Variants in UBE2V2 observed in about 807,000 individuals in gnomAD.
UBE2V2 encodes the protein ubiquitin-conjugating enzyme E2 variant 2.
A neutral mutation model predicts 17.2 loss-of-function variants in UBE2V2; 9 were observed. The observed-to-expected ratio is 0.52, with a 90% confidence interval of 0.32 to 0.91. The LOEUF is 0.91. UBE2V2 is among the 40% of genes least tolerant of loss of function. UBE2V2 has a pLI of 0.04. For missense variants in UBE2V2, 133 were observed against 182.6 expected (o/e 0.73, Z 1.56); for synonymous variants, 61 against 57.5 (o/e 1.06, Z -0.28).
At position 48,061,846 on chromosome 8, in the gene UBE2V2, T is replaced by A. The variant is rs930483242; in HGVS notation, c.*1018T>A. On this transcript the variant is annotated 3_prime_UTR_variant, in exon 4 of 4. Transcript: ENST00000523111. ...TTGCATTCTGGCAGTTCTTTTAGGA[T>A]TATAGGTTGCAAATTATCCAAATAT... 2.0e-5 allele frequency: 3 copies of A among 152,208 alleles called. No homozygotes were observed. Among genetic ancestry groups the A allele is most frequent in the Non-Finnish European group, 4.4e-5 (3 of 68,036 alleles). The allele number at this position is 152,208 out of a possible 1,614,324, so 9.4% of individuals were successfully genotyped here.
In UBE2V2 at chr8:48,063,203, T is replaced by A. The variant is rs964977394; in HGVS notation, c.*2375T>A. 2 of 152,214 alleles carry A rather than the reference T, an allele frequency of 1.3e-5. No homozygotes were observed. Among genetic ancestry groups the A allele is most frequent in the African/African-American group, 4.8e-5 (2 of 41,450 alleles). The allele number at this position is 152,214 out of a possible 1,614,324, so 9.4% of individuals were successfully genotyped here. ...CAGAGTCAGCCCTATAATGTTCATT[T>A]CCCCTCTTGTTTGTGGGATTATGGA... On this transcript the variant is annotated 3_prime_UTR_variant, in exon 4 of 4. Coordinates refer to ENST00000523111, the MANE Select transcript of UBE2V2 (RefSeq NM_003350.3).
At chr8:48,041,540 T>C (rs1431671932) in intron 1 of UBE2V2, among the ~76,000 whole-genome samples, 1 of 152,110 alleles carries the variant, frequency 6.6e-6, no homozygotes, top group Non-Finnish European at 1.5e-5. Flanking sequence ...ACTTAAGAAA[T>C]TGTCTAAAAA....
intron 1 of UBE2V2, among the ~76,000 whole-genome samples, chr8:48,010,961 C>G (rs2091226320): frequency 6.8e-6 from 1 of 146,408 alleles, no homozygotes; most frequent in Non-Finnish European, 1.5e-5. Context: ...AAACTCCTGA[C>G]CCCAGGCAAT....
chr8:48,038,332 T>C (rs1314643136), intron 1 of UBE2V2, among the ~76,000 whole-genome samples: 1 of 152,182 alleles, frequency 6.6e-6, no homozygotes, highest in East Asian at 1.9e-4. Context: ...TATTTATTTA[T>C]TTTGAGACAG....
chr8:48,000,852 A>T, the UBE2V2 span, among the ~76,000 whole-genome samples: 3 of 149,950 alleles, frequency 2.0e-5, no homozygotes, highest in Non-Finnish European at 4.4e-5. Context: ...AAAAAAAAGA[A>T]CTAGTCCTCA....
At chr8:48,034,009 A>G (rs974684939) in intron 1 of UBE2V2, among the ~76,000 whole-genome samples, 46 of 152,248 alleles carry the variant, frequency 3.0e-4, no homozygotes, top group Non-Finnish European at 5.9e-4. Flanking sequence ...AGACTTGTTC[A>G]TCCTACATAC....
At chr8:48,007,523 G>T (rs1589845822), upstream of UBE2V2, among the ~76,000 whole-genome samples, 2 of 142,808 alleles carry the variant, frequency 1.4e-5, no homozygotes, top group African/African-American at 5.2e-5. Flanking sequence ...GCTACAAAGA[G>T]AATAAAAATA....
the UBE2V2 span, among the ~76,000 whole-genome samples, chr8:48,001,916 C>T: frequency 6.6e-6 from 1 of 151,944 alleles, no homozygotes; most frequent in Admixed American, 6.6e-5. Context: ...ATAGTGAAAC[C>T]CCATCTCTAC....
intron 1 of UBE2V2, among the ~76,000 whole-genome samples, chr8:48,009,224 T>A (rs940846230): frequency 2.6e-5 from 4 of 152,140 alleles, no homozygotes; most frequent in Admixed American, 2.6e-4. Context: ...TAGTTTACAT[T>A]TAAAAATGTT....
At chr8:48,048,138 C>G (rs891898187) in intron 2 of UBE2V2, among the ~76,000 whole-genome samples, 2 of 152,064 alleles carry the variant, frequency 1.3e-5, no homozygotes, top group African/African-American at 4.8e-5. Flanking sequence ...AGAAAGCTCC[C>G]TTTGCGCTTT....
At chr8:48,057,615 C>G (rs1055111453) in intron 3 of UBE2V2, among the ~76,000 whole-genome samples, 3 of 151,274 alleles carry the variant, frequency 2.0e-5, no homozygotes, top group Non-Finnish European at 4.4e-5. Context: ...TAAATTATTT[C>G]TATTTAATTT....
At chr8:48,039,567 G>A (rs1390103241) in intron 1 of UBE2V2, among the ~76,000 whole-genome samples, 2 of 151,930 alleles carry the variant, frequency 1.3e-5, no homozygotes, top group Admixed American at 6.6e-5. Flanking sequence ...TTTGAATAAC[G>A]TTCTTGTCTT....
intron 1 of UBE2V2, among the ~76,000 whole-genome samples, chr8:48,014,215 C>T (rs1433626495): frequency 1.3e-5 from 2 of 152,118 alleles, no homozygotes; most frequent in Non-Finnish European, 2.9e-5. Flanking sequence ...ACAGGCAGTC[C>T]TTTGAACGGC....
chr8:48,025,574 G>T (rs2091337789), intron 1 of UBE2V2, among the ~76,000 whole-genome samples: 1 of 151,346 alleles, frequency 6.6e-6, no homozygotes, highest in Non-Finnish European at 1.5e-5. Flanking sequence ...CACCGTGCCT[G>T]GCCTAAATCT....
At chr8:48,016,294 A>C (rs2091268933) in intron 1 of UBE2V2, among the ~76,000 whole-genome samples, 1 of 152,124 alleles carries the variant, frequency 6.6e-6, no homozygotes, top group African/African-American at 2.4e-5. Context: ...TCTCTTTGAC[A>C]TACTGATTTT....
At chr8:48,003,240 T>C in the UBE2V2 span, among the ~76,000 whole-genome samples, 1 of 151,578 alleles carries the variant, frequency 6.6e-6, no homozygotes, top group Non-Finnish European at 1.5e-5. Context: ...AAGAGAGAAT[T>C]TAGTTCTCAG....
chr8:48,006,879 AT>A (rs1325252432), upstream of UBE2V2, among the ~76,000 whole-genome samples: 1 of 151,050 alleles, frequency 6.6e-6, no homozygotes, highest in Non-Finnish European at 1.5e-5. Context: ...TTTATTTTTT[AT>A]TTTTTTTTAT....
the UBE2V2 span, among the ~76,000 whole-genome samples, chr8:47,998,215 G>A: frequency 6.6e-6 from 1 of 152,002 alleles, no homozygotes; most frequent in East Asian, 1.9e-4. Context: ...GCAGATTTCT[G>A]AACGGAGGCC....
intron 3 of UBE2V2, among the ~76,000 whole-genome samples, chr8:48,058,414 G>T (rs2091586956): frequency 6.6e-6 from 1 of 151,316 alleles, no homozygotes; most frequent in African/African-American, 2.4e-5. Flanking sequence ...GTTGCAGTGA[G>T]TGAAAGTAGC....
Sources: gnomAD v4.1 joint callset for allele counts (sites outside exome capture counted in the v4.1 genomes callset) on GRCh38, gnomAD v4.1.1 for gene constraint, MANE v1.5 for transcripts, NCBI Gene and HGNC (gene_info 2026-07-23, HGNC 2026-07-21) for gene names.